MAML2: variants seen among roughly 807,000 people sequenced by gnomAD.
MAML2 encodes the protein mastermind like transcriptional coactivator 2.
In MAML2, 22 loss-of-function variants were observed where a neutral mutation model predicts 96.1. The observed-to-expected ratio is 0.23, with a 90% CI of 0.16 to 0.33. MAML2 has a LOEUF of 0.33. Among genes scored for constraint, MAML2 ranks in the 10% least tolerant of loss-of-function variants. MAML2 has a pLI of 1.00. For missense variants in MAML2, 1,367 were observed against 1,392.4 expected (o/e 0.98, Z 0.29); for synonymous variants, 561 against 521.3 (o/e 1.08, Z -1.04).
intron 1 of MAML2, among the ~76,000 whole-genome samples, chr11:96,164,274 TA>T (rs1324565652): frequency 6.6e-6 from 1 of 152,156 alleles, no homozygotes; most frequent in Non-Finnish European, 1.5e-5. Context: ...AATCTAGTCA[TA>T]AAAGCATAGA....
intron 1 of MAML2, among the ~76,000 whole-genome samples, chr11:96,294,700 C>A (rs1268659328): frequency 6.6e-6 from 1 of 152,188 alleles, no homozygotes; most frequent in Non-Finnish European, 1.5e-5. Flanking sequence ...AAAGAGGTAA[C>A]ATTTATTGAA....
Position 96,222,522 on chromosome 11 carries a change from A to C in MAML2, c.513+118861T>G, listed in dbSNP as rs116779918. Among the ~76,000 whole-genome samples, 1,005 of 152,320 alleles carry C rather than the reference A, an allele frequency of 6.6e-3. 15 individuals are homozygous for C. The highest frequency in any genetic ancestry group is 0.02 in the Middle Eastern group (6 of 294). On this transcript the variant is annotated intron_variant, in intron 1 of 4. Transcript: ENST00000524717. ...GTTGAGCAGCAGAAGCACTCAGTTA[A>C]GAAAAAGACAAATTAATTAACTTGT...
At position 96,277,819 on chromosome 11, in the gene MAML2, T is replaced by G. The variant is rs140162210; in HGVS notation, c.513+63564A>C. Among the ~76,000 whole-genome samples, 1,017 of 151,598 alleles carry G rather than the reference T, an allele frequency of 6.7e-3. 4 individuals carry two copies. Among genetic ancestry groups the G allele is most frequent in the South Asian group, 0.013 (63 of 4,782 alleles). The stretch of plus-strand genomic sequence containing the variant: ...ATCTTAGAAGAATTAAATCCTGAAG[T>G]ACTAATTTAGTATCCTGAAAAAGTT... On this transcript the variant is annotated intron_variant, in intron 1 of 4. Coordinates refer to ENST00000524717, the MANE Select transcript of MAML2 (RefSeq NM_032427.4).
intron 1 of MAML2, among the ~76,000 whole-genome samples, chr11:96,187,534 T>C (rs1281359233): frequency 6.6e-6 from 1 of 152,044 alleles, no homozygotes; most frequent in Non-Finnish European, 1.5e-5. Flanking sequence ...ACAGGCCGGG[T>C]GCGGTGGCTC....
rs897043057 is a variant in MAML2, at chr11:96,265,323, G to C, written c.513+76060C>G. 3.3e-5 allele frequency among the ~76,000 whole-genome samples: 5 copies of C among 152,336 alleles called. No individual in the cohort carries two copies. In the South Asian group the frequency reaches 8.3e-4, roughly 25 times the overall value. ...GTTATTTTCCCCATGAATTACTCTT[G>C]CAGGTTGTGTAAACTTTCAAGTGAA... On this transcript the variant is annotated intron_variant, in intron 1 of 4. Coordinates refer to ENST00000524717, the MANE Select transcript of MAML2 (RefSeq NM_032427.4).
intron 1 of MAML2, among the ~76,000 whole-genome samples, chr11:96,240,557 C>CAAAAAAAAAAAAAAAAAAAAAAAAAAAAA (rs55659413): frequency 1.4e-4 from 7 of 51,092 alleles, no homozygotes; most frequent in Non-Finnish European, 1.9e-4. Flanking sequence ...GACTCCGTCT[C>CAAAAAAAAAAAAAAAAAAAAAAAAAAAAA]AAAAAAAAAA....
At chr11:96,318,128 T>C (rs147444636) in intron 1 of MAML2, among the ~76,000 whole-genome samples, 1 of 152,280 alleles carries the variant, frequency 6.6e-6, no homozygotes, top group Non-Finnish European at 1.5e-5. Flanking sequence ...AGTACACAGA[T>C]GTGGTTAGAA....
At chr11:96,110,045 G>T (rs1860091878) in intron 1 of MAML2, among the ~76,000 whole-genome samples, 3 of 152,270 alleles carry the variant, frequency 2.0e-5, no homozygotes, top group South Asian at 4.1e-4. Flanking sequence ...AAAGAAGAGA[G>T]TGTTTCAAGG....
chr11:96,137,945 C>A (rs1860663517), intron 1 of MAML2, among the ~76,000 whole-genome samples: 1 of 152,108 alleles, frequency 6.6e-6, no homozygotes, highest in African/African-American at 2.4e-5. Flanking sequence ...CCACAATATT[C>A]CTGTATCCAT....
At chr11:96,220,232 C>A (rs1177940828) in intron 1 of MAML2, among the ~76,000 whole-genome samples, 1 of 152,088 alleles carries the variant, frequency 6.6e-6, no homozygotes, top group Non-Finnish European at 1.5e-5. Context: ...AAATGAGTGA[C>A]CCTCCTTCAC....
chr11:96,193,389 T>A (rs904672908), intron 1 of MAML2, among the ~76,000 whole-genome samples: 1 of 152,076 alleles, frequency 6.6e-6, no homozygotes, highest in Non-Finnish European at 1.5e-5. Flanking sequence ...AAAAAAAATG[T>A]GTCTGGGGAA....
intron 2 of MAML2, among the ~76,000 whole-genome samples, chr11:96,013,773 G>A (rs1858301399): frequency 6.6e-6 from 1 of 152,180 alleles, no homozygotes; most frequent in African/African-American, 2.4e-5. Flanking sequence ...CACCTCCAGG[G>A]AAAGAGCATC....
At chr11:96,068,314 G>A (rs1859276063) in intron 2 of MAML2, among the ~76,000 whole-genome samples, 1 of 152,094 alleles carries the variant, frequency 6.6e-6, no homozygotes, top group Non-Finnish European at 1.5e-5. Context: ...ACAGAAGAAA[G>A]TCTGACTTTT....
intron 1 of MAML2, among the ~76,000 whole-genome samples, chr11:96,234,484 A>T (rs1416730155): frequency 6.6e-6 from 1 of 152,174 alleles, no homozygotes; most frequent in Non-Finnish European, 1.5e-5. Flanking sequence ...TCCATCTCAA[A>T]AAATAAATAA....
chr11:96,231,729 C>T (rs975316104), intron 1 of MAML2, among the ~76,000 whole-genome samples: 1 of 152,170 alleles, frequency 6.6e-6, no homozygotes, highest in Non-Finnish European at 1.5e-5. Flanking sequence ...AGCACTTTGC[C>T]AGGACAGTAA....
chr11:96,127,505 C>T (rs1860468170), intron 1 of MAML2, among the ~76,000 whole-genome samples: 1 of 152,106 alleles, frequency 6.6e-6, no homozygotes. Context: ...AAATAATTTG[C>T]TGGCTAATGG....
intron 1 of MAML2, among the ~76,000 whole-genome samples, chr11:96,155,511 TA>T (rs1860996612): frequency 2.8e-5 from 1 of 35,680 alleles, no homozygotes. Flanking sequence ...ACAATTCAAA[TA>T]TATATATATA....
At chr11:96,083,728 G>A (rs1310417915) in intron 2 of MAML2, among the ~76,000 whole-genome samples, 2 of 152,130 alleles carry the variant, frequency 1.3e-5, no homozygotes, top group African/African-American at 4.8e-5. Context: ...CTAAGTTTTG[G>A]GTCCCTGCAA....
intron 2 of MAML2, among the ~76,000 whole-genome samples, chr11:96,064,188 C>T (rs1294917363): frequency 6.6e-6 from 1 of 152,178 alleles, no homozygotes; most frequent in Non-Finnish European, 1.5e-5. Context: ...CAGCACAGCA[C>T]CTCAATATAA....
Sources: gnomAD v4.1 joint callset for allele counts (sites outside exome capture counted in the v4.1 genomes callset) on GRCh38, gnomAD v4.1.1 for gene constraint, MANE v1.5 for transcripts, NCBI Gene and HGNC (gene_info 2026-07-23, HGNC 2026-07-21) for gene names.